The following UST variants were observed in gnomAD, a reference collection of about 807,000 sequenced individuals.
UST encodes chondroitin sulfate 2-O-sulfotransferase.
In UST, 21 loss-of-function variants were observed where a neutral mutation model predicts 45.6. The ratio of observed to expected loss-of-function variants is 0.46; its 90% CI spans 0.33 to 0.66. UST has a LOEUF of 0.66. UST is among the 30% of genes least tolerant of loss of function. UST has a pLI of 0.02. For missense variants in UST, 463 were observed against 512.4 expected, an observed-to-expected ratio of 0.90 and a Z score of 0.93; for synonymous variants, 215 against 200.6, an observed-to-expected ratio of 1.07 and a Z score of -0.61.
chr6:149,033,330 C>T (rs1776185173), intron 7 of UST, among the ~76,000 whole-genome samples: 1 of 152,194 alleles, frequency 6.6e-6, no homozygotes, highest in African/African-American at 2.4e-5. Flanking sequence ...CATGACTCAA[C>T]ATTTTATAAT....
chr6:148,777,305 TA>T (rs1402169737), intron 1 of UST, among the ~76,000 whole-genome samples: 4 of 152,234 alleles, frequency 2.6e-5, no homozygotes, highest in African/African-American at 9.6e-5. Flanking sequence ...TCTGAATAAG[TA>T]AATAAGATTT....
At chr6:149,029,029 C>T (rs748900699) in intron 7 of UST, among the ~76,000 whole-genome samples, 2 of 152,142 alleles carry the variant, frequency 1.3e-5, no homozygotes, top group African/African-American at 4.8e-5. Context: ...GGCGATGTCT[C>T]TCCATTTTCT....
intron 1 of UST, among the ~76,000 whole-genome samples, chr6:148,804,356 A>G (rs972579848): frequency 4.6e-5 from 7 of 152,108 alleles, no homozygotes; most frequent in African/African-American, 1.7e-4. Context: ...ACTCAGCTCC[A>G]TATCCCCTGT....
At chr6:148,983,951 T>G (rs1781188396) in intron 5 of UST, among the ~76,000 whole-genome samples, 1 of 152,150 alleles carries the variant, frequency 6.6e-6, no homozygotes, top group Non-Finnish European at 1.5e-5. Flanking sequence ...TCGATGCCAG[T>G]GGCTGAAATT....
intron 2 of UST, among the ~76,000 whole-genome samples, chr6:148,928,979 A>G (rs777097796): frequency 6.6e-6 from 1 of 152,230 alleles, no homozygotes; most frequent in Non-Finnish European, 1.5e-5. Context: ...TGCCTAGGGC[A>G]GGGAGCAGCT....
At chr6:148,974,046 G>A (rs1035159381) in intron 5 of UST, among the ~76,000 whole-genome samples, 3 of 152,160 alleles carry the variant, frequency 2.0e-5, no homozygotes, top group Non-Finnish European at 4.4e-5. Flanking sequence ...GGAAGTTGAA[G>A]GACAGGACTA....
At chr6:148,926,830 G>A (rs56252829) in intron 2 of UST, among the ~76,000 whole-genome samples, 3 of 152,108 alleles carry the variant, frequency 2.0e-5, no homozygotes, top group Non-Finnish European at 2.9e-5. Flanking sequence ...CCTAGAATGA[G>A]GTCATGGTTC....
At chr6:148,883,858 G>T (rs1778866282) in intron 1 of UST, among the ~76,000 whole-genome samples, 1 of 152,146 alleles carries the variant, frequency 6.6e-6, no homozygotes, top group Non-Finnish European at 1.5e-5. Flanking sequence ...TGGGCCAGGC[G>T]CAGTGGCTCA....
intron 1 of UST, among the ~76,000 whole-genome samples, chr6:148,811,232 G>T (rs1007183854): frequency 1.3e-5 from 2 of 152,166 alleles, no homozygotes; most frequent in African/African-American, 4.8e-5. Flanking sequence ...GGAGTAGTTG[G>T]CTCACCTGTA....
At chr6:148,966,651 C>T (rs1054851209) in intron 5 of UST, among the ~76,000 whole-genome samples, 14 of 152,248 alleles carry the variant, frequency 9.2e-5, no homozygotes, top group Non-Finnish European at 1.6e-4. Context: ...TTTTCACACA[C>T]TCACACAAAT....
At chr6:148,954,047 T>A in intron 4 of UST, 96 bp downstream of exon 4, 1 of 890,006 alleles carries the variant, frequency 1.1e-6, no homozygotes, top group Non-Finnish European at 1.6e-6. Context: ...GCAATTGCCC[T>A]TGAAAAGACA....
Position 148,905,240 on chromosome 6 carries a change from T to A in UST, c.291+18211T>A, listed in dbSNP as rs143952215. Among the ~76,000 whole-genome samples, 900 of 152,320 alleles carry A rather than the reference T, an allele frequency of 5.9e-3. 9 individuals are homozygous for A. The highest frequency in any genetic ancestry group is 0.02 in the African/African-American group (843 of 41,568). ...TCTGAGTCATTACTTCTCTCTTCCC[T>A]GGTCCCTGACACCCTGCGAATGAAC... On this transcript the variant is annotated intron_variant, in intron 2 of 7. Coordinates refer to ENST00000367463, the MANE Select transcript of UST (RefSeq NM_005715.3).
At chr6:148,901,715 G>A (rs9485338) in intron 2 of UST, among the ~76,000 whole-genome samples, 4 of 151,924 alleles carry the variant, frequency 2.6e-5, no homozygotes, top group African/African-American at 7.3e-5. Flanking sequence ...CTGCCACCAC[G>A]CCCAGCTAAT....
At chr6:149,052,592 GTCTC>G (rs10545521) in intron 7 of UST, among the ~76,000 whole-genome samples, 95,845 of 150,178 alleles carry the variant, frequency 0.64, 31,278 homozygotes, top group African/African-American at 0.79. Flanking sequence ...CTCTTAACTG[GTCTC>G]TCTCTCTCTC....
intron 5 of UST, among the ~76,000 whole-genome samples, chr6:148,971,584 AGAG>A (rs1780920693): frequency 6.6e-6 from 1 of 152,156 alleles, no homozygotes; most frequent in Admixed American, 6.5e-5. Context: ...CTGAAGGGAA[AGAG>A]GAGAAGGAAG....
chr6:149,023,529 G>A (rs993525786), intron 7 of UST, among the ~76,000 whole-genome samples: 19 of 152,148 alleles, frequency 1.2e-4, no homozygotes, highest in African/African-American at 2.9e-4. Context: ...GCCAGTGTAC[G>A]AAATAAATGT....
intron 1 of UST, among the ~76,000 whole-genome samples, chr6:148,872,157 C>T (rs1778571047): frequency 6.6e-6 from 1 of 152,050 alleles, no homozygotes; most frequent in Non-Finnish European, 1.5e-5. Flanking sequence ...GATTAAAGCC[C>T]CCTTTCAAAG....
chr6:148,765,139 G>A (rs1041713033), intron 1 of UST, among the ~76,000 whole-genome samples: 2 of 152,118 alleles, frequency 1.3e-5, no homozygotes, highest in African/African-American at 4.8e-5. Flanking sequence ...CCTGAAAATC[G>A]CTGTTATCCT....
In UST at chr6:148,857,001, A is replaced by G. The variant is rs1173798740; in HGVS notation, c.248-29985A>G. 2.7e-5 allele frequency among the ~76,000 whole-genome samples: 4 copies of G among 149,280 alleles called. No homozygotes were observed. The East Asian group carries it at 5.8e-4, about 22-fold the overall frequency. ...ATATATTATTACATATATTACTTAT[A>G]TATACATAATATATAAACTATATGC... is the stretch of plus-strand genomic sequence containing the variant. On this transcript the variant is annotated intron_variant, in intron 1 of 7. Transcript: ENST00000367463.
Sources: gnomAD v4.1 joint callset for allele counts (sites outside exome capture counted in the v4.1 genomes callset) on GRCh38, gnomAD v4.1.1 for gene constraint, MANE v1.5 for transcripts, NCBI Gene and HGNC (gene_info 2026-07-23, HGNC 2026-07-21) for gene names.